The following SERGEF variants were observed in gnomAD, a reference collection of about 807,000 sequenced individuals.
The protein encoded by SERGEF is secretion regulating guanine nucleotide exchange factor, also known as secretion-regulating guanine nucleotide exchange factor.
Under a neutral mutation model 50.0 loss-of-function variants are expected in SERGEF, and 51 were observed. The ratio of observed to expected loss-of-function variants is 1.02; its 90% CI spans 0.81 to 1.29. The LOEUF (loss-of-function observed/expected upper bound fraction) is 1.29, where lower values mean the gene tolerates loss of function less well. Ranked by LOEUF, SERGEF falls within the 50% of genes most tolerant of loss-of-function variation. The pLI is 0.00. For synonymous variants in SERGEF, 205 were observed against 212.4 expected (o/e 0.97, Z 0.30); for missense variants, 521 against 557.0 (o/e 0.94, Z 0.65).
chr11:17,946,861 C>T (rs2133960628), intron 9 of SERGEF, among the ~76,000 whole-genome samples: 1 of 152,280 alleles, frequency 6.6e-6, no homozygotes, highest in Non-Finnish European at 1.5e-5. Flanking sequence ...ACTCTGTTAG[C>T]AACCAATACA....
intron 10 of SERGEF, among the ~76,000 whole-genome samples, chr11:17,845,814 G>A (rs952801624): frequency 5.3e-5 from 8 of 152,140 alleles, no homozygotes; most frequent in Admixed American, 5.2e-4. Flanking sequence ...GGTCCAGAGA[G>A]GGCCCACTTC....
chr11:17,999,489 C>T (rs1378836915), intron 5 of SERGEF: 4 of 441,344 alleles, frequency 9.1e-6, no homozygotes, highest in African/African-American at 8.1e-5. Flanking sequence ...TGAGCTCTTC[C>T]TCACCTCCTC....
At chr11:17,855,171 C>A (rs952660184) in intron 10 of SERGEF, 1 of 152,166 alleles carries the variant, frequency 6.6e-6, no homozygotes, top group Admixed American at 6.5e-5. Context: ...CATACTTGTA[C>A]TTGTTACAAC....
intron 10 of SERGEF, chr11:17,866,648 G>T (rs2015814): frequency 0.27 from 40,708 of 152,136 alleles, 5,687 homozygotes; most frequent in African/African-American, 0.34. Flanking sequence ...GGGATTACAG[G>T]CATGTGCCAC....
rs2237933 is a variant in SERGEF, at chr11:17,861,042, A to T, written c.1048+17166T>A. Among the ~76,000 whole-genome samples the T allele has an allele frequency of 2.6e-5, 4 of 152,246 alleles. No homozygotes were observed. In the South Asian group the frequency reaches 8.3e-4, roughly 32 times the overall value. ...GCAGTGAGGGAAAGGGCCATTTCCT[A>T]TGTCCTCTCACTTCATCCACAAGGC... On this transcript the variant is annotated intron_variant, in intron 10 of 10. Transcript: ENST00000265965.
intron 9 of SERGEF, among the ~76,000 whole-genome samples, chr11:17,922,552 C>G (rs1455681377): frequency 6.6e-6 from 1 of 152,150 alleles, no homozygotes; most frequent in Non-Finnish European, 1.5e-5. Flanking sequence ...CCTTGGGTGG[C>G]AGTTTCATAC....
intron 10 of SERGEF, among the ~76,000 whole-genome samples, chr11:17,831,308 AGCACTCTCCTTCAGGCTGG>A (rs1347408560): frequency 2.0e-5 from 3 of 152,198 alleles, no homozygotes; most frequent in Non-Finnish European, 1.5e-5. Flanking sequence ...AGTCCAGTCC[AGCACTCTCCTTCAGGCTGG>A]GTGCCTGGCC....
chr11:17,979,177 T>C (rs1376326826), intron 8 of SERGEF, among the ~76,000 whole-genome samples: 2 of 152,096 alleles, frequency 1.3e-5, no homozygotes, highest in Non-Finnish European at 2.9e-5. Flanking sequence ...TTAGGGCTGG[T>C]GGGTACCTGC....
At chr11:17,848,394 A>G (rs547253853) in intron 10 of SERGEF, among the ~76,000 whole-genome samples, 1 of 152,322 alleles carries the variant, frequency 6.6e-6, no homozygotes, top group South Asian at 2.1e-4. Context: ...GATGAAAGGT[A>G]TTTGTTAGGA....
chr11:17,989,768 C>T (rs948974112), intron 7 of SERGEF, among the ~76,000 whole-genome samples: 10 of 152,154 alleles, frequency 6.6e-5, no homozygotes, highest in Non-Finnish European at 1.3e-4. Context: ...AACTGAGATA[C>T]ATTGTAAGTG....
chr11:17,890,464 A>C (rs1437796804), intron 9 of SERGEF, among the ~76,000 whole-genome samples: 2 of 152,170 alleles, frequency 1.3e-5, no homozygotes, highest in Non-Finnish European at 2.9e-5. Flanking sequence ...GTGTGTCTGT[A>C]TATGCACAAA....
intron 10 of SERGEF, among the ~76,000 whole-genome samples, chr11:17,843,024 A>C (rs1850533999): frequency 6.6e-6 from 1 of 152,184 alleles, no homozygotes; most frequent in African/African-American, 2.4e-5. Flanking sequence ...AAGGATCCCC[A>C]ACCTATAATA....
At chr11:17,935,380 A>C (rs1368401057) in intron 9 of SERGEF, among the ~76,000 whole-genome samples, 1 of 152,130 alleles carries the variant, frequency 6.6e-6, no homozygotes, top group African/African-American at 2.4e-5. Flanking sequence ...AGATGGGAAG[A>C]TCTGCTTGAG....
Position 17,896,725 on chromosome 11 carries a change from C to G in SERGEF, c.1012-18481G>C, listed in dbSNP as rs367594707. The stretch of plus-strand genomic sequence containing the variant: ...TAAGGGAAGGGTAAGGGAAGGGTAA[C>G]GGAAGGGTAACGGAAGGGTAACGGA... On this transcript the variant is annotated intron_variant, in intron 9 of 10. Coordinates refer to ENST00000265965, the MANE Select transcript of SERGEF (RefSeq NM_012139.4). 5.4e-3 allele frequency among the ~76,000 whole-genome samples: 434 copies of G among 80,170 alleles called. 2 individuals carry two copies. The highest frequency in any genetic ancestry group is 0.013 in the Middle Eastern group (1 of 80). The allele number at this position is 80,170 out of a possible 152,430, so 52.6% of individuals were successfully genotyped here.
intron 9 of SERGEF, among the ~76,000 whole-genome samples, chr11:17,909,259 A>G (rs1851906131): frequency 6.6e-6 from 1 of 152,248 alleles, no homozygotes; most frequent in Non-Finnish European, 1.5e-5. Flanking sequence ...TTAAAGAAAC[A>G]TATGAGACAT....
In SERGEF at chr11:17,788,214, G is replaced by A. The variant is rs769460575; in HGVS notation, c.1248C>T (p.Tyr416=). The part of the protein sequence containing the change: ...PALVQDPKVT[Y]LSPDAIEDTE... Reference sequence around the variant, plus strand: ...TGTCCTCGATGGCATCTGGGGAAAGGTAGGTGACCTTGGGGTCCTGGACCA... The same window carrying A: ...TGTCCTCGATGGCATCTGGGGAAAGATAGGTGACCTTGGGGTCCTGGACCA... Residue 416 remains tyrosine (Y), a synonymous_variant, in exon 11 of 11, where the codon TAC becomes TAT. Coordinates refer to ENST00000265965, the MANE Select transcript of SERGEF (RefSeq NM_012139.4). 1 of 1,611,686 alleles carries A rather than the reference G, an allele frequency of 6.2e-7. No homozygotes were observed. The highest frequency in any genetic ancestry group is 8.5e-7 in the Non-Finnish European group (1 of 1,178,022).
chr11:17,859,425 G>A (rs1353548408), intron 10 of SERGEF, among the ~76,000 whole-genome samples: 2 of 151,640 alleles, frequency 1.3e-5, no homozygotes, highest in Non-Finnish European at 2.9e-5. Flanking sequence ...ATGCCCAAGA[G>A]GAAAGAAAAG....
intron 8 of SERGEF, among the ~76,000 whole-genome samples, chr11:17,981,121 G>A (rs1205358295): frequency 6.6e-6 from 1 of 152,198 alleles, no homozygotes; most frequent in East Asian, 1.9e-4. Context: ...AGAGCCTGCA[G>A]TGTCTGGGTC....
At chr11:17,810,931 T>C (rs1002160354) in intron 10 of SERGEF, among the ~76,000 whole-genome samples, 5 of 152,202 alleles carry the variant, frequency 3.3e-5, no homozygotes, top group African/African-American at 1.2e-4. Flanking sequence ...AGGAGACTTT[T>C]ACATCCGAAA....
Sources: gnomAD v4.1 joint callset for allele counts (sites outside exome capture counted in the v4.1 genomes callset) on GRCh38, gnomAD v4.1.1 for gene constraint, MANE v1.5 for transcripts, NCBI Gene and HGNC (gene_info 2026-07-23, HGNC 2026-07-21) for gene names.